The following BBOF1 variants were observed in gnomAD, a reference collection of about 807,000 sequenced individuals.
The protein encoded by BBOF1 is basal body-orientation factor 1.
Under a neutral mutation model 68.0 loss-of-function variants are expected in BBOF1, and 62 were observed. The ratio of observed to expected loss-of-function variants is 0.91; its 90% CI spans 0.74 to 1.13. The LOEUF (loss-of-function observed/expected upper bound fraction) is 1.13. BBOF1 is among the 50% of genes most tolerant of loss of function. The pLI, the probability that BBOF1 is intolerant of heterozygous loss-of-function variation, is 0.00. For synonymous variants in BBOF1, 208 were observed against 198.8 expected, an observed-to-expected ratio of 1.05 and a Z score of -0.39; for missense variants, 534 against 600.1, an observed-to-expected ratio of 0.89 and a Z score of 1.15.
At position 74,019,537 on chromosome 14, in the gene BBOF1, AAGG is replaced by A; in HGVS notation, c.56+6_56+8del. 2 of 1,595,034 alleles carry A rather than the reference AAGG, an allele frequency of 1.3e-6. No individual in the cohort carries two copies. Among genetic ancestry groups the A allele is most frequent in the Non-Finnish European group, 1.7e-6 (2 of 1,170,918 alleles). ...AAGAGCAAAGGCAAAGACACGAAGT[AAGG>A]AGAAGCCACCCGAGAGTCCCCTCTC... On this transcript the variant is annotated splice_donor_5th_base_variant and intron_variant, in intron 1 of 11. Transcript: ENST00000394009.
In BBOF1 at chr14:74,065,792, C is replaced by T. The variant is rs140891901; in HGVS notation, c.*1093C>T. 5.1e-6 allele frequency: 1 copy of T among 194,404 alleles called. No homozygotes were observed. The highest frequency in any genetic ancestry group is 1.4e-4 in the East Asian group (1 of 7,350). The allele number at this position is 194,404 out of a possible 1,614,324, so 12.0% of individuals were successfully genotyped here. On this transcript the variant is annotated 3_prime_UTR_variant, in exon 12 of 12. Transcript: ENST00000394009. ...GCTGTTTTCTGTAACATAAATAATC[C>T]ATTCTTATTCACTCCTTTGCCTCCC...
In BBOF1 at chr14:74,040,648, A is replaced by G; in HGVS notation, c.576+3A>G. ...AAAGCAGATTTTTTGAAGAAAAGGT[A>G]CAGATTATTAGGGTTAATTTAAAAT... On this transcript the variant is annotated splice_donor_region_variant and intron_variant, in intron 5 of 11. Transcript: ENST00000394009. The G allele has an allele frequency of 6.5e-7, 1 of 1,549,216 alleles. No homozygotes were observed. The highest frequency in any genetic ancestry group is 8.8e-7 in the Non-Finnish European group (1 of 1,135,540).
At chr14:74,020,793 C>T (rs1279550044) in intron 1 of BBOF1, among the ~76,000 whole-genome samples, 2 of 152,142 alleles carry the variant, frequency 1.3e-5, no homozygotes, top group East Asian at 3.9e-4. Flanking sequence ...CGTGAGCCAC[C>T]ATGCCCTGTC....
At chr14:74,072,747 T>C in intron 9 of BBOF1, 1 of 980,774 alleles carries the variant, frequency 1.0e-6, no homozygotes, top group Admixed American at 2.1e-5. Flanking sequence ...TCTTTAGAAA[T>C]GTTACCACTA....
intron 3 of BBOF1, among the ~76,000 whole-genome samples, chr14:74,032,829 T>C (rs907452237): frequency 3.9e-5 from 6 of 152,140 alleles, no homozygotes; most frequent in Admixed American, 1.3e-4. Context: ...AGATTGGACT[T>C]TTTTTTCACA....
intron 4 of BBOF1, among the ~76,000 whole-genome samples, chr14:74,036,489 C>G (rs1308971763): frequency 1.3e-5 from 2 of 152,040 alleles, no homozygotes; most frequent in Non-Finnish European, 2.9e-5. Context: ...TTGAGACCAT[C>G]CTGTCCAACA....
intron 4 of BBOF1, among the ~76,000 whole-genome samples, chr14:74,035,855 G>A (rs1239041743): frequency 6.8e-6 from 1 of 148,014 alleles, no homozygotes; most frequent in African/African-American, 2.4e-5. Flanking sequence ...AGCCTTCAAA[G>A]TCACATAGCA....
At position 74,039,286 on chromosome 14, in the gene BBOF1, A is replaced by T. The variant is rs550418001; in HGVS notation, c.496-1279A>T. Among the ~76,000 whole-genome samples the T allele has an allele frequency of 2.0e-5, 3 of 152,284 alleles. No individual in the cohort carries two copies. The East Asian group carries it at 5.8e-4, about 29-fold the overall frequency. On this transcript the variant is annotated intron_variant, in intron 4 of 11. Transcript: ENST00000394009. ...ATTTTCTATAACATTTTTTCAATAGATGCACGGAATTCCATTGGGTAGATA... is the reference window on the plus strand; with the variant it reads ...ATTTTCTATAACATTTTTTCAATAGTTGCACGGAATTCCATTGGGTAGATA...
downstream of BBOF1, chr14:74,067,599 C>A (rs762238425): frequency 6.2e-7 from 1 of 1,609,580 alleles, no homozygotes; most frequent in South Asian, 1.1e-5. Context: ...GCACATGAGT[C>A]TTCCTTGGCC....
chr14:74,023,219 G>T (rs1463079394), intron 2 of BBOF1, 75 bp downstream of exon 2: 3 of 818,906 alleles, frequency 3.7e-6, no homozygotes, highest in East Asian at 5.4e-5. Context: ...GTATTTCAAA[G>T]ATTTTTAATT....
Position 74,019,407 on chromosome 14 carries a change from C to T in BBOF1, c.-72C>T. The T allele has an allele frequency of 6.5e-7, 1 of 1,538,936 alleles. No individual in the cohort carries two copies. The highest frequency in any genetic ancestry group is 8.8e-7 in the Non-Finnish European group (1 of 1,141,836). On this transcript the variant is annotated 5_prime_UTR_variant, in exon 1 of 12. Transcript: ENST00000394009. ...CATTGCCAGCTCGGCGTCCCGGTTC[C>T]CTTGGAGACAGAGCTGGCCAGGGCG...
chr14:74,029,560 T>C (rs911040876), intron 3 of BBOF1, among the ~76,000 whole-genome samples: 2 of 151,894 alleles, frequency 1.3e-5, no homozygotes, highest in African/African-American at 4.8e-5. Flanking sequence ...TGCATGCTTA[T>C]AATCCCAGCT....
chr14:74,055,428 T>A, intron 8 of BBOF1, 156 bp from the exon 9 acceptor site: 1 of 570,870 alleles, frequency 1.8e-6, no homozygotes, highest in Non-Finnish European at 3.1e-6. Flanking sequence ...GGATTACAGG[T>A]GTGAGCCACC....
At chr14:74,067,957 TG>T (rs2060494735), downstream of BBOF1, among the ~76,000 whole-genome samples, 1 of 149,624 alleles carries the variant, frequency 6.7e-6, no homozygotes, top group South Asian at 2.1e-4. Context: ...AACAGGAATT[TG>T]TTGTCTGCTG....
chr14:74,032,410 A>T (rs1307770261), intron 3 of BBOF1, among the ~76,000 whole-genome samples: 1 of 151,134 alleles, frequency 6.6e-6, no homozygotes, highest in Non-Finnish European at 1.5e-5. Flanking sequence ...TACATGTGTG[A>T]GCTACTGTGC....
At chr14:74,033,200 T>C (rs1330048377) in intron 3 of BBOF1, among the ~76,000 whole-genome samples, 2 of 149,600 alleles carry the variant, frequency 1.3e-5, no homozygotes, top group East Asian at 1.9e-4. Context: ...CCTTTCTATA[T>C]AGAAACTTTT....
chr14:74,072,610 G>A, intron 9 of BBOF1: 2 of 1,612,732 alleles, frequency 1.2e-6, no homozygotes, highest in Non-Finnish European at 1.7e-6. Context: ...CTTTACAGTT[G>A]GCTGAAAAAA....
chr14:74,050,158 AAT>A lies in BBOF1; in HGVS notation c.1251_1252del (p.Asn417LysfsTer16), dbSNP rs1255523646. ...ATTTGATGGCAGAGAGCACAGCACC[AAT>A]AGTGTGAATCAGGATCTTCTGGAGG... ...RTFDGREHST[N>X]SVNQDLLEAE... On this transcript the variant is annotated frameshift_variant, in exon 8 of 12. Coordinates refer to ENST00000394009, the MANE Select transcript of BBOF1 (RefSeq NM_025057.3). LOFTEE classifies it high-confidence loss of function. The A allele has an allele frequency of 6.3e-7, 1 of 1,577,720 alleles. No homozygotes were observed. Among genetic ancestry groups the A allele is most frequent in the South Asian group, 1.2e-5 (1 of 85,212 alleles).
chr14:74,060,684 A>C, intron 11 of BBOF1: 2 of 1,614,056 alleles, frequency 1.2e-6, no homozygotes, highest in Non-Finnish European at 1.7e-6. Context: ...GTGAGGAAAG[A>C]GTAGCATCTT....
Sources: allele counts gnomAD v4.1 joint callset (sites outside exome capture counted in the v4.1 genomes callset), GRCh38; gene constraint gnomAD v4.1.1; transcripts MANE v1.5; gene names NCBI Gene and HGNC (gene_info 2026-07-23, HGNC 2026-07-21).